TGM4: variants seen among roughly 807,000 people sequenced by gnomAD.
The protein encoded by TGM4 is protein-glutamine gamma-glutamyltransferase 4.
Under a neutral mutation model 76.3 loss-of-function variants are expected in TGM4, and 61 were observed. The observed-to-expected ratio is 0.80, with a 90% CI of 0.65 to 0.99. TGM4 has a LOEUF of 0.99. TGM4 is among the 50% of genes least tolerant of loss of function. The pLI is 0.00. For synonymous variants in TGM4, 337 were observed against 329.8 expected, an observed-to-expected ratio of 1.02 and a Z score of -0.24; for missense variants, 794 against 843.2, an observed-to-expected ratio of 0.94 and a Z score of 0.72.
At chr3:44,897,278 AC>A (rs1699793125) in intron 6 of TGM4, among the ~76,000 whole-genome samples, 1 of 152,172 alleles carries the variant, frequency 6.6e-6, no homozygotes, top group African/African-American at 2.4e-5. Context: ...TGCTGGGATT[AC>A]AGGCGTGGGC....
intron 10 of TGM4, among the ~76,000 whole-genome samples, chr3:44,907,634 C>T (rs916321676): frequency 6.6e-6 from 1 of 152,132 alleles, no homozygotes; most frequent in African/African-American, 2.4e-5. Context: ...GCCTCTGGCT[C>T]CCTTCCTGAG....
chr3:44,903,667 C>T (rs114922511), intron 8 of TGM4: 7,041 of 570,650 alleles, frequency 0.012, 90 homozygotes, highest in Middle Eastern at 0.051. Flanking sequence ...CAGCCCTGCC[C>T]CCTGCACACA....
At chr3:44,880,707 G>GT (rs1699520912) in intron 1 of TGM4, among the ~76,000 whole-genome samples, 1 of 152,136 alleles carries the variant, frequency 6.6e-6, no homozygotes, top group Non-Finnish European at 1.5e-5. Context: ...GTTGTGACAT[G>GT]TTTTTTCTCT....
rs886494822 is a variant in TGM4, at chr3:44,890,742, A to C, written c.430+10A>C. Reference sequence around the variant, plus strand: ...AACCCATGGTGTAAAGGTACTGTGAATCTCAGGTCTGCTGGGGAATGGCAG... The same window carrying C: ...AACCCATGGTGTAAAGGTACTGTGACTCTCAGGTCTGCTGGGGAATGGCAG... On this transcript the variant is annotated intron_variant, in intron 4 of 13. Transcript: ENST00000296125. 1 of 1,613,382 alleles carries C rather than the reference A, an allele frequency of 6.2e-7. No homozygotes were observed. The highest frequency in any genetic ancestry group is 8.5e-7 in the Non-Finnish European group (1 of 1,179,572).
chr3:44,911,317 C>T lies in TGM4; in HGVS notation c.1824C>T (p.Ile608=), dbSNP rs1358186911. The T allele has an allele frequency of 6.2e-7, 1 of 1,614,260 alleles. No individual in the cohort carries two copies. The highest frequency in any genetic ancestry group is 2.2e-5 in the East Asian group (1 of 44,890). Residue 608 remains isoleucine, a synonymous_variant, in exon 13 of 14, where the codon ATC becomes ATT. Transcript: ENST00000296125. ...RIGQLLVCNC[I]FKNTLAIPLT... Reference sequence around the variant, plus strand: ...GCCAGCTACTTGTCTGCAATTGTATCTTCAAGAATACCCTGGCCATCCCTT... The same window carrying T: ...GCCAGCTACTTGTCTGCAATTGTATTTTCAAGAATACCCTGGCCATCCCTT...
At chr3:44,886,424 TC>T (rs1164215511) in intron 2 of TGM4, among the ~76,000 whole-genome samples, 1 of 152,228 alleles carries the variant, frequency 6.6e-6, no homozygotes, top group Non-Finnish European at 1.5e-5. Flanking sequence ...TTGCTCCTTC[TC>T]TGAGTGAACA....
chr3:44,885,591 G>A, intron 2 of TGM4, 93 bp downstream of exon 2: 8 of 1,386,940 alleles, frequency 5.8e-6, no homozygotes, highest in Non-Finnish European at 7.8e-6. Flanking sequence ...GTCTGAGCCA[G>A]GAGTGCCTTA....
rs1348099722 is a variant in TGM4 at position 44,901,628 on chromosome 3, G to A, written c.762G>A (p.Gln254=). 3 of 1,614,214 alleles carry A rather than the reference G, an allele frequency of 1.9e-6. No homozygotes were observed. Among genetic ancestry groups the A allele is most frequent in the Non-Finnish European group, 2.5e-6 (3 of 1,180,044 alleles). ...GGACAGGCAGTGCCCCGATCCTGCA[G>A]CAGTACTACAACACGAAGCAGGCTG... ...YKWTGSAPIL[Q]QYYNTKQAVC... is the part of the protein sequence containing the mutation. Residue 254 remains glutamine, a synonymous_variant, in exon 7 of 14, where the codon CAG becomes CAA. Coordinates refer to ENST00000296125, the MANE Select transcript of TGM4 (RefSeq NM_003241.4).
chr3:44,883,578 C>T (rs1699560629), intron 1 of TGM4, among the ~76,000 whole-genome samples: 1 of 152,220 alleles, frequency 6.6e-6, no homozygotes, highest in Admixed American at 6.5e-5. Context: ...CATCGGCCCA[C>T]CCCAAGGTTT....
In TGM4 at chr3:44,914,053, A is replaced by T. The variant is rs537118732; in HGVS notation, c.*328A>T. 7 of 245,192 alleles carry T rather than the reference A, an allele frequency of 2.9e-5. No homozygotes were observed. The highest frequency in any genetic ancestry group is 1.4e-4 in the African/African-American group (6 of 44,064). The allele number at this position is 245,192 out of a possible 1,614,324, so 15.2% of individuals were successfully genotyped here. A position where few individuals can be genotyped will look rare whatever the true frequency, so the allele number is the denominator to read the frequency against. Reference sequence around the variant, plus strand: ...AAGCCACAGAGTCTCTCCCTGGAGCAGCAGACTATGGGCAGCCCAGTGCTG... The same window carrying T: ...AAGCCACAGAGTCTCTCCCTGGAGCTGCAGACTATGGGCAGCCCAGTGCTG... On this transcript the variant is annotated 3_prime_UTR_variant, in exon 14 of 14. Coordinates refer to ENST00000296125, the MANE Select transcript of TGM4 (RefSeq NM_003241.4).
At chr3:44,878,680 C>T (rs1037292843) in intron 1 of TGM4, among the ~76,000 whole-genome samples, 1 of 151,956 alleles carries the variant, frequency 6.6e-6, no homozygotes, top group Non-Finnish European at 1.5e-5. Context: ...TGGGGTTTCA[C>T]CATGTTGGCC....
chr3:44,892,396 C>A (rs1699713936), intron 4 of TGM4, among the ~76,000 whole-genome samples: 1 of 122,776 alleles, frequency 8.1e-6, no homozygotes, highest in African/African-American at 3.1e-5. Context: ...GAGTTTCACT[C>A]TTGTCGCCCA....
chr3:44,879,762 G>A (rs939359037), intron 1 of TGM4, among the ~76,000 whole-genome samples: 1 of 152,042 alleles, frequency 6.6e-6, no homozygotes, highest in Non-Finnish European at 1.5e-5. Context: ...ACAGGCATGA[G>A]CCACTGTGCC....
rs113353665 is a variant in TGM4, at chr3:44,885,565, T to C, written c.193+67T>C. The stretch of plus-strand genomic sequence containing the variant: ...TCACAAGTGTCTGTGGATGCTGGAG[T>C]GGCCCTTTCTGGTCAGTCTGAGCCA... On this transcript the variant is annotated intron_variant, in intron 2 of 13. Transcript: ENST00000296125. 5.5e-4 allele frequency: 843 copies of C among 1,535,024 alleles called. 7 individuals carry two copies. The African/African-American group carries it at 7.9e-3, about 14-fold the overall frequency.
At chr3:44,879,251 CTCTCTCTCTCTCTCTA>C (rs1438097200) in intron 1 of TGM4, among the ~76,000 whole-genome samples, 11 of 96,064 alleles carry the variant, frequency 1.1e-4, no homozygotes, top group African/African-American at 3.5e-4. Context: ...CTCTCTCTCT[CTCTCTCTCTCTCTCTA>C]TATATATATA....
intron 5 of TGM4, among the ~76,000 whole-genome samples, chr3:44,895,358 G>A (rs1391468868): frequency 6.6e-6 from 1 of 152,198 alleles, no homozygotes; most frequent in Admixed American, 6.5e-5. Context: ...TGGGTATGGA[G>A]GCTCACACCT....
At chr3:44,881,939 CTT>C (rs1699538849) in intron 1 of TGM4, among the ~76,000 whole-genome samples, 1 of 151,762 alleles carries the variant, frequency 6.6e-6, no homozygotes, top group African/African-American at 2.4e-5. Context: ...TCCACTGACA[CTT>C]TTTCTTTGCA....
intron 9 of TGM4, among the ~76,000 whole-genome samples, chr3:44,904,771 T>A (rs1418123189): frequency 6.6e-6 from 1 of 152,082 alleles, no homozygotes; most frequent in Non-Finnish European, 1.5e-5. Flanking sequence ...AACCTCTGCC[T>A]CCCAGGTTCA....
At chr3:44,877,092 C>T (rs1172692802) in intron 1 of TGM4, among the ~76,000 whole-genome samples, 1 of 152,008 alleles carries the variant, frequency 6.6e-6, no homozygotes, top group East Asian at 1.9e-4. Flanking sequence ...ATTGCTTGAG[C>T]CCAGGAGTTC....
Sources: allele counts gnomAD v4.1 joint callset (sites outside exome capture counted in the v4.1 genomes callset), GRCh38; gene constraint gnomAD v4.1.1; transcripts MANE v1.5; gene names NCBI Gene and HGNC (gene_info 2026-07-23, HGNC 2026-07-21).